Variants in NEBL observed in about 807,000 individuals in gnomAD.
The protein encoded by NEBL is nebulette.
NEBL carries 122 observed loss-of-function variants against 140.2 expected under a neutral mutation model. The observed-to-expected ratio is 0.87, with a 90% CI of 0.75 to 1.01. The LOEUF (loss-of-function observed/expected upper bound fraction) is 1.01, where lower values mean the gene tolerates loss of function less well. NEBL is among the 50% of genes least tolerant of loss of function. The pLI is 0.00. For synonymous variants in NEBL, 436 were observed against 398.9 expected, an observed-to-expected ratio of 1.09 and a Z score of -1.11; for missense variants, 1,365 against 1,231.3, an observed-to-expected ratio of 1.11 and a Z score of -1.62.
At chr10:20,845,807 C>T (rs932438191) in intron 11 of NEBL, among the ~76,000 whole-genome samples, 3 of 152,150 alleles carry the variant, frequency 2.0e-5, no homozygotes. Flanking sequence ...CATCATCCTT[C>T]TTCATCAGAC....
chr10:21,207,207 C>G (rs1309660278), intron 3 of NEBL, among the ~76,000 whole-genome samples: 2 of 152,030 alleles, frequency 1.3e-5, no homozygotes, highest in East Asian at 3.9e-4. Flanking sequence ...CTTCTGACCT[C>G]AGGTGATTCA....
At chr10:20,844,313 A>G (rs1334454215) in intron 12 of NEBL, among the ~76,000 whole-genome samples, 2 of 151,842 alleles carry the variant, frequency 1.3e-5, no homozygotes, top group African/African-American at 4.8e-5. Flanking sequence ...ATTCAAAATG[A>G]AATGAAATTT....
chr10:21,228,733 T>C (rs930988475), intron 3 of NEBL, among the ~76,000 whole-genome samples: 4 of 152,238 alleles, frequency 2.6e-5, no homozygotes, highest in African/African-American at 9.6e-5. Context: ...ATTTCTAAAA[T>C]ATAACCATAA....
At chr10:21,027,736 G>A (rs748333231) in intron 2 of NEBL, among the ~76,000 whole-genome samples, 2 of 152,008 alleles carry the variant, frequency 1.3e-5, no homozygotes. Context: ...CTCTTTGCTG[G>A]GGACCATCTT....
At chr10:21,260,631 G>C (rs566977336) in intron 1 of NEBL, among the ~76,000 whole-genome samples, 1 of 151,974 alleles carries the variant, frequency 6.6e-6, no homozygotes, top group Non-Finnish European at 1.5e-5. Context: ...CAAGTATTCC[G>C]TTAAAACCCA....
At chr10:21,026,450 G>T (rs1839034902) in intron 2 of NEBL, among the ~76,000 whole-genome samples, 2 of 152,172 alleles carry the variant, frequency 1.3e-5, no homozygotes, top group South Asian at 4.1e-4. Flanking sequence ...AAGACTTCTA[G>T]CTCTAACAAA....
In NEBL at chr10:20,929,969, G is replaced by C. The variant is rs370842458; in HGVS notation, c.357+31703C>G. ...TAGAGAGCTTCAGGCTTGGTACTGG[G>C]CCACTTCTCATTTCTATCTAAACTT... On this transcript the variant is annotated intron_variant, in intron 4 of 6. Transcript: ENST00000417816. 2.6e-5 allele frequency among the ~76,000 whole-genome samples: 4 copies of C among 152,174 alleles called. No individual in the cohort carries two copies. The East Asian group carries it at 7.7e-4, about 29-fold the overall frequency.
At chr10:21,042,862 G>T in intron 2 of NEBL, among the ~76,000 whole-genome samples, 1 of 152,198 alleles carries the variant, frequency 6.6e-6, no homozygotes, top group East Asian at 1.9e-4. Flanking sequence ...CTTTCACAGA[G>T]AGCCTTTGCT....
At chr10:20,817,507 A>G (rs1838844529) in intron 21 of NEBL, 93 bp downstream of exon 21, 1 of 1,076,890 alleles carries the variant, frequency 9.3e-7, no homozygotes, top group Admixed American at 1.8e-5. Flanking sequence ...ACATCAGCTC[A>G]AGGTTATGAA....
intron 2 of NEBL, among the ~76,000 whole-genome samples, chr10:21,056,673 G>A (rs899164562): frequency 6.6e-6 from 1 of 152,148 alleles, no homozygotes; most frequent in Non-Finnish European, 1.5e-5. Context: ...TTCTACATTA[G>A]AATATTACAC....
intron 2 of NEBL, among the ~76,000 whole-genome samples, chr10:21,095,457 C>T (rs1211212645): frequency 1.3e-5 from 2 of 152,164 alleles, no homozygotes; most frequent in Non-Finnish European, 2.9e-5. Flanking sequence ...TTGGGAAATG[C>T]TGAGTTAAGG....
chr10:20,837,734 C>T (rs1354675387), intron 13 of NEBL, among the ~76,000 whole-genome samples: 1 of 152,150 alleles, frequency 6.6e-6, no homozygotes, highest in African/African-American at 2.4e-5. Context: ...GACAAGCTGA[C>T]TCTTATTAGG....
intron 3 of NEBL, among the ~76,000 whole-genome samples, chr10:21,003,003 CTTTTTTTT>C (rs10539676): frequency 7.8e-6 from 1 of 127,764 alleles, no homozygotes; most frequent in African/African-American, 3.0e-5. Context: ...CATTATGTGG[CTTTTTTTT>C]TTTTTTTTTT....
chr10:21,169,067 A>AAAAAATATATATATAT (rs1554830679), intron 2 of NEBL, among the ~76,000 whole-genome samples: 3 of 23,060 alleles, frequency 1.3e-4, no homozygotes, highest in Non-Finnish European at 2.6e-4. Flanking sequence ...AAAAAAAAAA[A>AAAAAATATATATATAT]ATATATATAT....
intron 2 of NEBL, among the ~76,000 whole-genome samples, chr10:21,168,015 AC>A (rs1221449547): frequency 5.9e-5 from 9 of 152,236 alleles, no homozygotes; most frequent in Non-Finnish European, 1.2e-4. Context: ...AATGGGTATT[AC>A]GCCCAATCTT....
intron 4 of NEBL, among the ~76,000 whole-genome samples, chr10:20,904,361 C>G (rs1303920347): frequency 2.0e-5 from 3 of 151,924 alleles, no homozygotes; most frequent in Non-Finnish European, 4.4e-5. Flanking sequence ...TTATGGGTAC[C>G]CTCATTTATT....
At chr10:20,828,391 T>G in intron 17 of NEBL, 139 bp downstream of exon 17, 1 of 598,532 alleles carries the variant, frequency 1.7e-6, no homozygotes, top group Non-Finnish European at 3.0e-6. Context: ...ATTCTTATTA[T>G]TTTAAAGAAA....
chr10:21,195,538 G>A (rs1564540770), intron 3 of NEBL, among the ~76,000 whole-genome samples: 1 of 152,146 alleles, frequency 6.6e-6, no homozygotes, highest in Non-Finnish European at 1.5e-5. Context: ...CAAAACATGA[G>A]ACAGGTGCTT....
chr10:20,809,988 G>T, intron 24 of NEBL, 90 bp from the exon 25 acceptor site: 2 of 911,448 alleles, frequency 2.2e-6, no homozygotes, highest in Non-Finnish European at 3.4e-6. Context: ...AAAGAGTCAA[G>T]ACAAAGTCTG....
Sources: gnomAD v4.1 joint callset for allele counts (sites outside exome capture counted in the v4.1 genomes callset) on GRCh38, gnomAD v4.1.1 for gene constraint, MANE v1.5 for transcripts, NCBI Gene and HGNC (gene_info 2026-07-23, HGNC 2026-07-21) for gene names.